The following USP20 variants were observed in gnomAD, a reference collection of about 807,000 sequenced individuals.
The protein encoded by USP20 is ubiquitin carboxyl-terminal hydrolase 20.
Under a neutral mutation model 124.2 loss-of-function variants are expected in USP20, and 80 were observed. The observed-to-expected ratio is 0.64, with a 90% confidence interval of 0.54 to 0.78. The LOEUF is 0.78. Ranked by LOEUF, USP20 falls within the 30% of genes least tolerant of loss-of-function variation. USP20 has a pLI of 0.00. For synonymous variants in USP20, 481 were observed against 512.3 expected, an observed-to-expected ratio of 0.94 and a Z score of 0.83; for missense variants, 1,043 against 1,244.4, an observed-to-expected ratio of 0.84 and a Z score of 2.44.
At chr9:129,873,552 G>A (rs771993166) in intron 16 of USP20, 37 bp downstream of exon 16, 14 of 1,613,880 alleles carry the variant, frequency 8.7e-6, no homozygotes, top group Admixed American at 1.7e-5. Context: ...CCTAACTGCC[G>A]TTTCTGTGCC....
At chr9:129,874,527 G>C (rs751721104) in intron 17 of USP20, 49 bp from the exon 18 acceptor site, 6 of 1,603,488 alleles carry the variant, frequency 3.7e-6, no homozygotes, top group Admixed American at 1.7e-5. Context: ...GGCTGCGAGG[G>C]CCCGCATCAT....
rs969001943 is a variant in USP20, at chr9:129,879,929, G to A, written c.2585-184G>A. On this transcript the variant is annotated intron_variant, in intron 24 of 25. Coordinates refer to ENST00000372429, the MANE Select transcript of USP20 (RefSeq NM_001110303.4). This position sits in a 1 kb window ranked among gnomAD's most constrained non-coding sequence, Gnocchi z 4.2. ...GGACACAGCCAGAGATGTGTTATCC[G>A]GGGCCCTTAGCGGGATGGACATTCC... Among the ~76,000 whole-genome samples, 2 of 152,020 alleles carry A rather than the reference G, an allele frequency of 1.3e-5. No homozygotes were observed. Among genetic ancestry groups the A allele is most frequent in the South Asian group, 2.1e-4 (1 of 4,824 alleles).
chr9:129,877,889 C>T (rs1385808285), intron 22 of USP20, among the ~76,000 whole-genome samples: 1 of 152,152 alleles, frequency 6.6e-6, no homozygotes, highest in Non-Finnish European at 1.5e-5. Flanking sequence ...GCCTGGCCAA[C>T]ATGGCGAAAC....
rs36086252 is a variant in USP20, at chr9:129,858,576, C to T, written c.308C>T (p.Ser103Phe). 3.7e-6 allele frequency: 6 copies of T among 1,613,946 alleles called. No individual in the cohort carries two copies. Among genetic ancestry groups the T allele is most frequent in the Middle Eastern group, 1.6e-4 (1 of 6,082 alleles). ...CGGCTGGCAGCCCCTCTGCTGGGCT[C>T]CTCTTCCAAGTTCTCTGAACAGGTA... ...EQRLAAPLLG[S>F]SSKFSEQDSP... The change falls in exon 6 of 26, where the codon TCC (serine) becomes TTC (phenylalanine). Residue 103 changes from serine to phenylalanine, a missense_variant. By Grantham distance (155) the Ser-to-Phe change is radical. Transcript: ENST00000372429.
chr9:129,846,273 T>TTGG (rs2032562710), intron 1 of USP20, among the ~76,000 whole-genome samples: 1 of 130,666 alleles, frequency 7.7e-6, no homozygotes, highest in East Asian at 2.1e-4. Context: ...TTTTTTTTTT[T>TTGG]GAGATAGGGT....
intron 9 of USP20, 147 bp downstream of exon 9, chr9:129,863,446 G>A: frequency 1.7e-6 from 1 of 584,204 alleles, no homozygotes; most frequent in Non-Finnish European, 3.0e-6. Context: ...AAGCCTGCGG[G>A]GTGGAAATTG....
Position 129,870,414 on chromosome 9 carries a change from G to C in USP20, c.1566-39G>C, listed in dbSNP as rs754558790. 4 of 1,604,844 alleles carry C rather than the reference G, an allele frequency of 2.5e-6. No individual in the cohort carries two copies. In the African/African-American group the frequency reaches 4.0e-5, roughly 16 times the overall value. ...TCCCTTCAGCTCCTGTTCTTGCCCA[G>C]GCCCTGGCAGCACCCCTGCACTCCT... is the stretch of plus-strand genomic sequence containing the variant. On this transcript the variant is annotated intron_variant, in intron 14 of 25. Coordinates refer to ENST00000372429, the MANE Select transcript of USP20 (RefSeq NM_001110303.4).
chr9:129,852,799 G>A (rs550190535), intron 3 of USP20, among the ~76,000 whole-genome samples, 163 bp downstream of exon 3: 1 of 152,108 alleles, frequency 6.6e-6, no homozygotes, highest in Non-Finnish European at 1.5e-5. Context: ...GCCGCCTTCC[G>A]GAGGCTCTGT....
intron 17 of USP20, 136 bp from the exon 18 acceptor site, chr9:129,874,440 C>A: frequency 4.3e-6 from 5 of 1,168,722 alleles, no homozygotes; most frequent in Non-Finnish European, 6.0e-6. Flanking sequence ...CAGTCTGGCC[C>A]CCACGTGGAA....
chr9:129,851,067 A>C (rs2032891697), intron 2 of USP20, among the ~76,000 whole-genome samples: 1 of 152,136 alleles, frequency 6.6e-6, no homozygotes, highest in African/African-American at 2.4e-5. Context: ...CAACAGTTTG[A>C]AGCTATAATC....
intron 1 of USP20, among the ~76,000 whole-genome samples, chr9:129,846,247 A>ATATT (rs1554742656): frequency 1.2e-3 from 38 of 32,682 alleles, no homozygotes; most frequent in Admixed American, 2.5e-3. Context: ...ATATATATAT[A>ATATT]TTTTTTTTTT....
intron 14 of USP20, chr9:129,870,130 T>C (rs2034042907): frequency 1.8e-6 from 1 of 565,006 alleles, no homozygotes; most frequent in Non-Finnish European, 3.2e-6. Flanking sequence ...ACAGGCCTGG[T>C]TGGCGGGAAG....
Position 129,858,488 on chromosome 9 carries a change from G to C in USP20, c.220G>C (p.Val74Leu), listed in dbSNP as rs191133247. 1.1e-5 allele frequency: 18 copies of C among 1,614,142 alleles called. No individual in the cohort carries two copies. The highest frequency in any genetic ancestry group is 1.5e-5 in the Non-Finnish European group (18 of 1,180,006). ...CTAGGCAAAAAAGCACAACTTGACC[G>C]TGAACCTGACCACGTTCCGACTGTG... is the stretch of plus-strand genomic sequence containing the variant. ...HAQAKKHNLT[V>L]NLTTFRLWCY... Residue 74 changes from valine to leucine, a missense_variant, in exon 6 of 26, where the codon GTG (valine) becomes CTG (leucine). Transcript: ENST00000372429.
At chr9:129,844,383 T>G (rs1443374060) in intron 1 of USP20, among the ~76,000 whole-genome samples, 4 of 152,126 alleles carry the variant, frequency 2.6e-5, no homozygotes, top group Non-Finnish European at 4.4e-5. Flanking sequence ...CCCAGCACTT[T>G]GGGAGGCCCA....
rs1564209232 is a variant in USP20 at position 129,863,184 on chromosome 9, A to G, written c.498-2A>G. 6.5e-7 allele frequency: 1 copy of G among 1,527,788 alleles called. No homozygotes were observed. Among genetic ancestry groups the G allele is most frequent in the Non-Finnish European group, 8.9e-7 (1 of 1,128,786 alleles). The allele number at this position is 1,527,788 out of a possible 1,614,324, so 94.6% of individuals were successfully genotyped here. ...ACCTGGCTCTCTCTCCCCTGCACCCAGCCCGCCGCTGACTCAGTTCTTCTT... is the reference window on the plus strand; with the variant it reads ...ACCTGGCTCTCTCTCCCCTGCACCCGGCCCGCCGCTGACTCAGTTCTTCTT... On this transcript the variant is annotated splice_acceptor_variant, in intron 8 of 25. Transcript: ENST00000372429. LOFTEE classifies it high-confidence loss of function.
At chr9:129,847,422 C>T (rs996431940) in intron 1 of USP20, among the ~76,000 whole-genome samples, 3 of 151,784 alleles carry the variant, frequency 2.0e-5, no homozygotes, top group Non-Finnish European at 4.4e-5. Context: ...TCCACCTCAA[C>T]CTCCTGAGTA....
Position 129,852,586 on chromosome 9 carries a change from C to G in USP20, c.31C>G (p.Leu11Val). ...GGACTCCAGGGACCTTTGCCCTCAC[C>G]TTGACTCCATAGGAGAGGTGACCAA... The part of the protein sequence containing the change: MGDSRDLCPH[L>V]DSIGEVTKED... Residue 11 changes from leucine (L) to valine (V), a missense_variant, in exon 3 of 26, where the codon CTT becomes GTT. Leu to Val is a conservative substitution (Grantham distance 32). Coordinates refer to ENST00000372429, the MANE Select transcript of USP20 (RefSeq NM_001110303.4). 2 of 1,600,400 alleles carry G rather than the reference C, an allele frequency of 1.2e-6. No individual in the cohort carries two copies. The highest frequency in any genetic ancestry group is 1.7e-6 in the Non-Finnish European group (2 of 1,172,896).
chr9:129,870,055 C>T, intron 14 of USP20: 1 of 633,238 alleles, frequency 1.6e-6, no homozygotes, highest in Non-Finnish European at 2.7e-6. Context: ...TCCCTTGGAG[C>T]TGGAGGGCGA....
chr9:129,867,278 G>A (rs1223732786), intron 10 of USP20, among the ~76,000 whole-genome samples: 3 of 152,156 alleles, frequency 2.0e-5, no homozygotes, highest in Non-Finnish European at 4.4e-5. Flanking sequence ...CTCACTGGGC[G>A]CCTCTGCCCG....
Sources: allele counts gnomAD v4.1 joint callset (sites outside exome capture counted in the v4.1 genomes callset), GRCh38; gene constraint gnomAD v4.1.1; non-coding constraint Gnocchi (gnomAD v3.1); transcripts MANE v1.5; gene names NCBI Gene and HGNC (gene_info 2026-07-23, HGNC 2026-07-21).